Variants in TAF15 observed in about 807,000 individuals in gnomAD.
The protein encoded by TAF15 is TATA-binding protein-associated factor 2N.
In TAF15, 37 loss-of-function variants were observed where a neutral mutation model predicts 102.5. That is an observed-to-expected ratio of 0.36 (90% confidence interval 0.28 to 0.47). The LOEUF (loss-of-function observed/expected upper bound fraction) is 0.47. Among genes scored for constraint, TAF15 ranks in the 20% least tolerant of loss-of-function variants. The probability of loss-of-function intolerance (pLI) is 0.99; values close to 1 mark genes in which losing one functional copy is unlikely to be tolerated. For missense variants in TAF15, 652 were observed against 760.7 expected, an observed-to-expected ratio of 0.86 and a Z score of 1.68; for synonymous variants, 273 against 259.2, an observed-to-expected ratio of 1.05 and a Z score of -0.51.
In TAF15 at chr17:35,809,536, G is replaced by T; in HGVS notation, c.-34G>T. 6.2e-7 allele frequency: 1 copy of T among 1,612,840 alleles called. No individual in the cohort carries two copies. Among genetic ancestry groups the T allele is most frequent in the South Asian group, 1.1e-5 (1 of 91,054 alleles). The stretch of plus-strand genomic sequence containing the variant: ...GGCTTTCGTATTCGTTGTTCTCGGC[G>T]GGCTGTGGGGCCTCCGCGCCGCGGC... On this transcript the variant is annotated 5_prime_UTR_variant, in exon 1 of 16. Transcript: ENST00000605844.
Position 35,833,935 on chromosome 17 carries a change from T to G in TAF15, c.634T>G (p.Phe212Val). The stretch of plus-strand genomic sequence containing the variant: ...TGGTGACCGCGGTGGCTTCAAAAAT[T>G]TTGGTGGTAAGTGCTGAGTATCCCA... ...SGGDRGGFKN[F>V]GGHRDYGPRT... is the part of the protein sequence containing the mutation. The change falls in exon 8 of 16, where the codon TTT (phenylalanine) becomes GTT (valine). Residue 212 changes from phenylalanine to valine, a missense_variant. Transcript: ENST00000605844. The G allele has an allele frequency of 1.2e-6, 2 of 1,613,866 alleles. No individual in the cohort carries two copies. The highest frequency in any genetic ancestry group is 1.7e-6 in the Non-Finnish European group (2 of 1,179,954).
At chr17:35,825,568 C>T (rs976351700) in intron 7 of TAF15, among the ~76,000 whole-genome samples, 1 of 152,206 alleles carries the variant, frequency 6.6e-6, no homozygotes, top group Non-Finnish European at 1.5e-5. Flanking sequence ...AAGGAAATTA[C>T]AGTTACATCC....
chr17:35,811,812 T>C (rs769930381), intron 1 of TAF15, among the ~76,000 whole-genome samples: 1 of 152,198 alleles, frequency 6.6e-6, no homozygotes, highest in African/African-American at 2.4e-5. Flanking sequence ...GTTACACACA[T>C]AAAAATTACA....
At chr17:35,814,805 A>G (rs1173036238) in intron 1 of TAF15, among the ~76,000 whole-genome samples, 2 of 151,940 alleles carry the variant, frequency 1.3e-5, no homozygotes, top group South Asian at 4.2e-4. Flanking sequence ...GTAAGTCAAA[A>G]TCGTGTCACT....
At chr17:35,830,834 C>T (rs1318195367) in intron 7 of TAF15, among the ~76,000 whole-genome samples, 3 of 152,132 alleles carry the variant, frequency 2.0e-5, no homozygotes, top group African/African-American at 7.2e-5. Context: ...GGCCTGAGAT[C>T]CTGCTTTTCT....
Position 35,844,900 on chromosome 17 carries a change from A to G in TAF15, c.1601A>G (p.Asp534Gly). 3 of 1,601,674 alleles carry G rather than the reference A, an allele frequency of 1.9e-6. No individual in the cohort carries two copies. Among genetic ancestry groups the G allele is most frequent in the Non-Finnish European group, 2.5e-6 (3 of 1,176,494 alleles). The part of the protein sequence containing the change: ...GDRSRGGYGG[D>G]RGGGSGYGGD... ...AGAAGCCGGGGGGGCTATGGAGGAG[A>G]CCGTGGTGGTGGCAGTGGCTACGGT... The change falls in exon 15 of 16, where the codon GAC (aspartate) becomes GGC (glycine). Residue 534 changes from aspartate to glycine, a missense_variant. Physicochemically the swap from Asp to Gly is moderately conservative, Grantham distance 94. This residue lies in a region of TAF15 where 368 missense variants were observed against 367.5 expected (regional missense o/e 1.00). Coordinates refer to ENST00000605844, the MANE Select transcript of TAF15 (RefSeq NM_139215.3).
intron 1 of TAF15, chr17:35,811,308 T>G (rs1445979894): frequency 2.6e-5 from 4 of 152,252 alleles, no homozygotes; most frequent in Non-Finnish European, 4.4e-5. Context: ...GTATTGATCT[T>G]CAAGTTACTA....
chr17:35,817,874 G>A, intron 2 of TAF15, 119 bp downstream of exon 2: 1 of 880,698 alleles, frequency 1.1e-6, no homozygotes, highest in East Asian at 2.5e-5. Context: ...TTGTCACAGA[G>A]TGAAGAGAGT....
At position 35,836,261 on chromosome 17, in the gene TAF15, G is replaced by T; in HGVS notation, c.783+20G>T. ...ATCAAGGTGAGTAAAAATATTATATGTTGAAAATCTCATAATTAATGTTCT... is the reference window on the plus strand; with the variant it reads ...ATCAAGGTGAGTAAAAATATTATATTTTGAAAATCTCATAATTAATGTTCT... On this transcript the variant is annotated intron_variant, in intron 10 of 15. Transcript: ENST00000605844. 1 of 1,474,330 alleles carries T rather than the reference G, an allele frequency of 6.8e-7. No homozygotes were observed. The highest frequency in any genetic ancestry group is 9.5e-7 in the Non-Finnish European group (1 of 1,054,496). The allele number at this position is 1,474,330 out of a possible 1,614,324, so 91.3% of individuals were successfully genotyped here. A position where few individuals can be genotyped will look rare whatever the true frequency, so the allele number is the denominator to read the frequency against.
intron 1 of TAF15, among the ~76,000 whole-genome samples, chr17:35,812,526 G>A (rs1380169083): frequency 6.7e-6 from 1 of 148,850 alleles, no homozygotes; most frequent in East Asian, 2.0e-4. Flanking sequence ...CGGAGGTTGT[G>A]GTGAGCCGAG....
At chr17:35,841,856 C>T (rs1288083211) in intron 11 of TAF15, among the ~76,000 whole-genome samples, 1 of 152,124 alleles carries the variant, frequency 6.6e-6, no homozygotes, top group Non-Finnish European at 1.5e-5. Context: ...TGCCACCATG[C>T]CTAGCTAATT....
chr17:35,840,884 A>G (rs1279626782), intron 11 of TAF15, among the ~76,000 whole-genome samples: 1 of 152,042 alleles, frequency 6.6e-6, no homozygotes, highest in African/African-American at 2.4e-5. Flanking sequence ...ATGAAATTGT[A>G]GTACCCTGTC....
intron 7 of TAF15, among the ~76,000 whole-genome samples, chr17:35,827,157 C>T (rs1224532866): frequency 2.0e-5 from 3 of 151,168 alleles, no homozygotes; most frequent in Non-Finnish European, 4.4e-5. Flanking sequence ...TTTGGGAGGC[C>T]GAGGCATTTC....
In TAF15 at chr17:35,844,168, T is replaced by TTG. The variant is rs763979737; in HGVS notation, c.1088+12_1088+13dup. 1 of 1,614,016 alleles carries TTG rather than the reference T, an allele frequency of 6.2e-7. No homozygotes were observed. Among genetic ancestry groups the TTG allele is most frequent in the South Asian group, 1.1e-5 (1 of 91,074 alleles). On this transcript the variant is annotated intron_variant, in intron 13 of 15. Transcript: ENST00000605844. ...GGGTTTGCCCTAATCCGTAAGTGTCTTGTTTACTTTGGTGAGAGTAGGGGT... is the reference window on the plus strand; with the variant it reads ...GGGTTTGCCCTAATCCGTAAGTGTCTTGTGTTTACTTTGGTGAGAGTAGGGGT...
At chr17:35,831,030 T>C (rs543869718) in intron 7 of TAF15, among the ~76,000 whole-genome samples, 2 of 152,184 alleles carry the variant, frequency 1.3e-5, no homozygotes, top group African/African-American at 4.8e-5. Flanking sequence ...CTTTTTCCAG[T>C]GTACTATGGT....
rs2087298418 is a variant in TAF15 at position 35,824,205 on chromosome 17, A to G, written c.605+7A>G. On this transcript the variant is annotated splice_region_variant and intron_variant, in intron 7 of 15. Transcript: ENST00000605844. ...GTCCTATGACAGGATCAAGGTAAGTATGTAGATAAAGATGCGTACATTTCT... is the reference window on the plus strand; with the variant it reads ...GTCCTATGACAGGATCAAGGTAAGTGTGTAGATAAAGATGCGTACATTTCT... 5 of 1,612,752 alleles carry G rather than the reference A, an allele frequency of 3.1e-6. No homozygotes were observed. Among genetic ancestry groups the G allele is most frequent in the Non-Finnish European group, 4.2e-6 (5 of 1,179,708 alleles).
chr17:35,811,400 T>C (rs1568237377), intron 1 of TAF15: 1 of 152,262 alleles, frequency 6.6e-6, no homozygotes, highest in Non-Finnish European at 1.5e-5. Flanking sequence ...AAAGGGCTAC[T>C]TACTAGACGC....
At chr17:35,824,225 AT>A in intron 7 of TAF15, 27 bp downstream of exon 7, 1 of 1,603,252 alleles carries the variant, frequency 6.2e-7, no homozygotes, top group Non-Finnish European at 8.5e-7. Context: ...AGATGCGTAC[AT>A]TTCTTCTTCT....
Position 35,820,446 on chromosome 17 carries a change from A to G in TAF15, c.290+9A>G. The G allele has an allele frequency of 6.2e-7, 1 of 1,609,376 alleles. No homozygotes were observed. Among genetic ancestry groups the G allele is most frequent in the East Asian group, 2.2e-5 (1 of 44,850 alleles). ...ATGGAATCATCAGGAAGGTAAGGAA[A>G]TAGTAAAATACTGAGATTGTTTTGG... On this transcript the variant is annotated intron_variant, in intron 5 of 15. Coordinates refer to ENST00000605844, the MANE Select transcript of TAF15 (RefSeq NM_139215.3).
Sources: allele counts gnomAD v4.1 joint callset (sites outside exome capture counted in the v4.1 genomes callset), GRCh38; gene constraint gnomAD v4.1.1; regional missense constraint gnomAD v4.1.1; transcripts MANE v1.5; gene names NCBI Gene and HGNC (gene_info 2026-07-23, HGNC 2026-07-21).